SH3D19: variants seen among roughly 807,000 people sequenced by gnomAD.
SH3D19 encodes SH3 domain containing 19.
A neutral mutation model predicts 112.1 loss-of-function variants in SH3D19; 58 were observed. The ratio of observed to expected loss-of-function variants is 0.52; its 90% CI spans 0.42 to 0.64. SH3D19 has a LOEUF of 0.64. SH3D19 is among the 30% of genes least tolerant of loss of function. The pLI is 0.00. For missense variants in SH3D19, 1,090 were observed against 1,263.4 expected, an observed-to-expected ratio of 0.86 and a Z score of 2.08; for synonymous variants, 391 against 448.5, an observed-to-expected ratio of 0.87 and a Z score of 1.62.
chr4:151,186,286 T>C (rs1309569165), intron 3 of SH3D19, among the ~76,000 whole-genome samples: 1 of 152,222 alleles, frequency 6.6e-6, no homozygotes, highest in Non-Finnish European at 1.5e-5. Context: ...AATAGAAATG[T>C]TCCTTTCTGA....
At chr4:151,266,639 C>T (rs1302086888) in intron 1 of SH3D19, among the ~76,000 whole-genome samples, 1 of 152,184 alleles carries the variant, frequency 6.6e-6, no homozygotes, top group Non-Finnish European at 1.5e-5. Context: ...TTGATCTCTT[C>T]TAGGTGCTCT....
In SH3D19 at chr4:151,182,907, C is replaced by T. The variant is rs184839547; in HGVS notation, c.194-3510G>A. 3.7e-3 allele frequency among the ~76,000 whole-genome samples: 570 copies of T among 152,060 alleles called. 2 individuals carry two copies. The highest frequency in any genetic ancestry group is 0.012 in the African/African-American group (497 of 41,476). On this transcript the variant is annotated intron_variant, in intron 3 of 19. Transcript: ENST00000604030. ...TCTGCCACAAGCTGCTAGTCTGGTA[C>T]GTTTTGGGTTAATGCCACAGAATAA...
intron 1 of SH3D19, among the ~76,000 whole-genome samples, chr4:151,235,817 T>A (rs2149961315): frequency 6.6e-6 from 1 of 152,252 alleles, no homozygotes. Flanking sequence ...CAAAATCAAT[T>A]TGGATCAGAC....
At chr4:151,138,087 T>A (rs1752222320) in intron 13 of SH3D19, among the ~76,000 whole-genome samples, 1 of 152,186 alleles carries the variant, frequency 6.6e-6, no homozygotes, top group African/African-American at 2.4e-5. Flanking sequence ...ATGCTTTGAT[T>A]GATGGGAAAT....
intron 2 of SH3D19, among the ~76,000 whole-genome samples, chr4:151,205,234 C>T (rs1241284573): frequency 6.6e-6 from 1 of 152,172 alleles, no homozygotes; most frequent in Non-Finnish European, 1.5e-5. Flanking sequence ...TTGTGCAGTG[C>T]TGGGAAACAC....
At chr4:151,322,140 T>C (rs1486358444) in intron 1 of SH3D19, among the ~76,000 whole-genome samples, 1 of 152,154 alleles carries the variant, frequency 6.6e-6, no homozygotes, top group Non-Finnish European at 1.5e-5. Flanking sequence ...TCATGCATCA[T>C]GAGCTACTAC....
chr4:151,257,276 C>T (rs960995177), intron 1 of SH3D19, among the ~76,000 whole-genome samples: 10 of 151,908 alleles, frequency 6.6e-5, no homozygotes, highest in African/African-American at 1.2e-4. Flanking sequence ...TTAGTAGAGA[C>T]GGGGTTTCAC....
At chr4:151,260,194 C>T (rs1362040196) in intron 1 of SH3D19, among the ~76,000 whole-genome samples, 6 of 152,176 alleles carry the variant, frequency 3.9e-5, no homozygotes, top group Non-Finnish European at 8.8e-5. Flanking sequence ...AAATAATGTA[C>T]ATTGTACCCA....
In SH3D19 at chr4:151,176,816, C is replaced by T; in HGVS notation, c.375+1G>A. The T allele has an allele frequency of 8.1e-7, 1 of 1,232,102 alleles. No homozygotes were observed. Among genetic ancestry groups the T allele is most frequent in the Non-Finnish European group, 1.0e-6 (1 of 987,924 alleles). 76.3% of individuals were successfully genotyped at this position (1,232,102 alleles called of 1,614,324 possible). A position where few individuals can be genotyped will look rare whatever the true frequency, so the allele number is the denominator to read the frequency against. On this transcript the variant is annotated splice_donor_variant, in intron 5 of 19. Transcript: ENST00000604030. LOFTEE classifies it high-confidence loss of function. ...AAAGAGATAATGTAATGTTTATTCA[C>T]CTCAGCAGGAACCAGCTCATTAGGC...
intron 1 of SH3D19, among the ~76,000 whole-genome samples, chr4:151,321,294 T>A (rs972227617): frequency 6.6e-6 from 1 of 152,184 alleles, no homozygotes; most frequent in Non-Finnish European, 1.5e-5. Flanking sequence ...CCTGGGAAAC[T>A]GGGAAGAGTT....
chr4:151,167,130 C>T (rs1420975762), intron 7 of SH3D19, among the ~76,000 whole-genome samples: 4 of 151,376 alleles, frequency 2.6e-5, no homozygotes, highest in Non-Finnish European at 5.9e-5. Context: ...GCTAGTCTTA[C>T]GTTAAAAAAA....
intron 1 of SH3D19, among the ~76,000 whole-genome samples, chr4:151,290,861 GTTTTAT>G (rs1442035542): frequency 6.6e-6 from 1 of 152,106 alleles, no homozygotes; most frequent in Non-Finnish European, 1.5e-5. Context: ...CATCTCATTA[GTTTTAT>G]TTCTCTTTTT....
chr4:151,323,754 A>T (rs564998580), intron 1 of SH3D19, among the ~76,000 whole-genome samples: 2 of 152,324 alleles, frequency 1.3e-5, no homozygotes, highest in African/African-American at 4.8e-5. Context: ...CTAATTACAA[A>T]ATGTCATTTC....
chr4:151,253,462 C>T (rs982654063), intron 1 of SH3D19, among the ~76,000 whole-genome samples: 2 of 152,182 alleles, frequency 1.3e-5, no homozygotes, highest in South Asian at 2.1e-4. Context: ...ACTTGTTGGC[C>T]GGGCACAGTG....
rs1748017876 is a variant in SH3D19 at position 151,121,870 on chromosome 4, C to T, written c.*221G>A. ...TGCTAATCCCACTAGATGTTTTCCT[C>T]GGTAGAATCCTAGCTCATGGGTTTC... On this transcript the variant is annotated 3_prime_UTR_variant, in exon 20 of 20. Transcript: ENST00000604030. 3 of 386,310 alleles carry T rather than the reference C, an allele frequency of 7.8e-6. No homozygotes were observed. The highest frequency in any genetic ancestry group is 4.5e-5 in the Admixed American group (1 of 22,028). 23.9% of individuals were successfully genotyped at this position (386,310 alleles called of 1,614,324 possible).
At position 151,307,232 on chromosome 4, in the gene SH3D19, C is replaced by T. The variant is rs369899425; in HGVS notation, c.112+18009G>A. 1.1e-3 allele frequency among the ~76,000 whole-genome samples: 170 copies of T among 151,976 alleles called. No individual in the cohort carries two copies. The East Asian group carries it at 0.022, about 19-fold the overall frequency. On this transcript the variant is annotated intron_variant, in intron 1 of 19. Coordinates refer to ENST00000604030, the MANE Select transcript of SH3D19 (RefSeq NM_001378122.1). ...AGAGACGGGGTTTCACCGTTTTAGC[C>T]GGGATGGTCTCGATCTCCTGACCTC...
At chr4:151,210,401 ATT>A (rs34777650) in intron 2 of SH3D19, among the ~76,000 whole-genome samples, 1,482 of 136,680 alleles carry the variant, frequency 0.011, 15 homozygotes, top group African/African-American at 0.036. Flanking sequence ...TATCATCCCA[ATT>A]TTTTTTTTTT....
chr4:151,288,081 G>C (rs962424331), intron 1 of SH3D19, among the ~76,000 whole-genome samples: 2 of 151,088 alleles, frequency 1.3e-5, no homozygotes, highest in Admixed American at 1.3e-4. Context: ...AACGCTTCAC[G>C]TTAAAAAAAA....
rs757777731 is a variant in SH3D19 at position 151,132,362 on chromosome 4, G to A, written c.2711C>T (p.Thr904Ile). 14 of 1,613,442 alleles carry A rather than the reference G, an allele frequency of 8.7e-6. No homozygotes were observed. The South Asian group carries it at 1.3e-4, about 15-fold the overall frequency. ...GTTTGAGCCAGAATCTTCTTTTTTG[G>A]TTTTCAGTGGTACCTTTGTGCCTAC... ...NVLSTKVPLKTKKEDSGSNSQ... is the reference protein window; with the variant it reads ...NVLSTKVPLKIKKEDSGSNSQ... Residue 904 changes from threonine (T) to isoleucine (I), a missense_variant, in exon 17 of 20, where the codon ACC (threonine) becomes ATC (isoleucine). Coordinates refer to ENST00000604030, the MANE Select transcript of SH3D19 (RefSeq NM_001378122.1).
Sources: gnomAD v4.1 joint callset for allele counts (sites outside exome capture counted in the v4.1 genomes callset) on GRCh38, gnomAD v4.1.1 for gene constraint, MANE v1.5 for transcripts, NCBI Gene and HGNC (gene_info 2026-07-23, HGNC 2026-07-21) for gene names.